The following RYR2 variants were observed in gnomAD, a reference collection of about 807,000 sequenced individuals.
RYR2 encodes the protein ryanodine receptor 2.
A neutral mutation model predicts 601.1 loss-of-function variants in RYR2; 227 were observed. That is an observed-to-expected ratio of 0.38 (90% CI 0.34 to 0.42). RYR2 has a LOEUF of 0.42. RYR2 is among the 10% of genes least tolerant of loss of function. RYR2 has a pLI of 1.00. For missense variants in RYR2, 4,646 were observed against 6,156.5 expected (o/e 0.75, Z 8.21); for synonymous variants, 2,223 against 2,175.1 (o/e 1.02, Z -0.61).
intron 79 of RYR2, among the ~76,000 whole-genome samples, chr1:237,735,803 C>G (rs1691090756): frequency 6.6e-6 from 1 of 152,162 alleles, no homozygotes; most frequent in Non-Finnish European, 1.5e-5. Context: ...TTGTTCAACT[C>G]TATCATATTG....
In RYR2 at chr1:237,790,350, C is replaced by T. The variant is rs77697277; in HGVS notation, c.13477-1079C>T. On this transcript the variant is annotated intron_variant, in intron 92 of 104. Coordinates refer to ENST00000366574, the MANE Select transcript of RYR2 (RefSeq NM_001035.3). The stretch of plus-strand genomic sequence containing the variant: ...ATCGAGTCTGCCCAGTTCTTGCCAT[C>T]TCCACAGGTACCATTAAGTCCAATC... Among the ~76,000 whole-genome samples, 58 of 152,232 alleles carry T rather than the reference C, an allele frequency of 3.8e-4. 1 individual carries two copies. In the East Asian group the frequency reaches 0.01, roughly 27 times the overall value.
chr1:237,192,716 G>A (rs948470130), intron 1 of RYR2, among the ~76,000 whole-genome samples: 3 of 152,098 alleles, frequency 2.0e-5, no homozygotes, highest in Non-Finnish European at 2.9e-5. Flanking sequence ...TTTATTTTCC[G>A]CTAAGGGGTT....
chr1:237,231,554 A>G (rs1186394881), intron 1 of RYR2, among the ~76,000 whole-genome samples: 1 of 152,164 alleles, frequency 6.6e-6, no homozygotes, highest in African/African-American at 2.4e-5. Context: ...ATAAATGTCA[A>G]GCCTTGCTTG....
rs776594549 is a variant in RYR2 at position 237,417,109 on chromosome 1, G to A, written c.834G>A (p.Glu278=). The change falls in exon 11 of 105, where the codon GAG becomes GAA. Residue 278 remains glutamate, a synonymous_variant. Coordinates refer to ENST00000366574, the MANE Select transcript of RYR2 (RefSeq NM_001035.3). ...ATGCACGTTCCCTTTGGAGACTAGA[G>A]ACGCTAAGAGTTGCGTAAGTAGAAC... is the stretch of plus-strand genomic sequence containing the variant. ...SVHARSLWRL[E]TLRVAWSGSH... The A allele has an allele frequency of 2.2e-5, 36 of 1,613,534 alleles. No individual in the cohort carries two copies. Among genetic ancestry groups the A allele is most frequent in the Non-Finnish European group, 2.7e-5 (32 of 1,179,500 alleles).
intron 10 of RYR2, among the ~76,000 whole-genome samples, chr1:237,399,988 T>C (rs1241575231): frequency 6.6e-6 from 1 of 151,884 alleles, no homozygotes; most frequent in African/African-American, 2.4e-5. Flanking sequence ...GAAAGATTTC[T>C]TGTGTCTTAC....
intron 23 of RYR2, among the ~76,000 whole-genome samples, 166 bp downstream of exon 23, chr1:237,506,980 T>C (rs1665331310): frequency 1.3e-5 from 2 of 152,334 alleles, no homozygotes. Flanking sequence ...TACGTTATTG[T>C]AGTTAATGGG....
chr1:237,514,691 G>T (rs904101561), intron 24 of RYR2, among the ~76,000 whole-genome samples: 3 of 152,210 alleles, frequency 2.0e-5, no homozygotes, highest in Non-Finnish European at 4.4e-5. Context: ...CTCTGGAGTT[G>T]GGTCATCTGG....
intron 16 of RYR2, among the ~76,000 whole-genome samples, chr1:237,460,991 GT>G: frequency 6.6e-6 from 1 of 152,070 alleles, no homozygotes; most frequent in East Asian, 1.9e-4. Flanking sequence ...TATTATTGTT[GT>G]TTTGCTTTTC....
chr1:237,383,168 A>C (rs886102650), intron 8 of RYR2, among the ~76,000 whole-genome samples: 44 of 152,238 alleles, frequency 2.9e-4, no homozygotes, highest in African/African-American at 1.1e-3. Context: ...ACCTCATCAT[A>C]AAAATGGTGA....
At chr1:237,158,962 A>C (rs1675697466) in intron 1 of RYR2, among the ~76,000 whole-genome samples, 1 of 152,238 alleles carries the variant, frequency 6.6e-6, no homozygotes, top group South Asian at 2.1e-4. Flanking sequence ...AAATCAACAC[A>C]CGGTAGTGTA....
chr1:237,818,456 G>A (rs967158994), intron 100 of RYR2, among the ~76,000 whole-genome samples: 47 of 152,178 alleles, frequency 3.1e-4, no homozygotes, highest in Non-Finnish European at 5.9e-4. Context: ...GTACTTGTTG[G>A]TGGCTTTGAC....
chr1:237,226,066 AAAATT>A (rs1684331910), intron 1 of RYR2, among the ~76,000 whole-genome samples: 2 of 152,050 alleles, frequency 1.3e-5, no homozygotes, highest in South Asian at 2.1e-4. Context: ...AAAAAAAAAA[AAAATT>A]AAAGGTGTCC....
At chr1:237,332,205 G>A (rs536573951) in intron 3 of RYR2, among the ~76,000 whole-genome samples, 6 of 152,188 alleles carry the variant, frequency 3.9e-5, no homozygotes, top group East Asian at 1.9e-4. Context: ...CAGTTATAAC[G>A]TTATTTTCAT....
chr1:237,438,014 T>A (rs1261850833), intron 12 of RYR2, among the ~76,000 whole-genome samples: 4 of 123,394 alleles, frequency 3.2e-5, no homozygotes, highest in Admixed American at 8.0e-5. Context: ...AGTGTTTTAA[T>A]GGCAATCTGA....
intron 2 of RYR2, among the ~76,000 whole-genome samples, chr1:237,284,692 A>ACACACACT: frequency 6.7e-6 from 1 of 150,026 alleles, no homozygotes; most frequent in East Asian, 2.0e-4. Context: ...GTACACACAC[A>ACACACACT]CACACCCATA....
intron 25 of RYR2, among the ~76,000 whole-genome samples, chr1:237,543,144 A>G (rs1669475581): frequency 6.6e-6 from 1 of 152,202 alleles, no homozygotes; most frequent in African/African-American, 2.4e-5. Context: ...TTTAAAATCC[A>G]AAAGCCAAGT....
intron 17 of RYR2, among the ~76,000 whole-genome samples, chr1:237,474,781 G>C (rs1414575222): frequency 6.6e-6 from 1 of 152,138 alleles, no homozygotes; most frequent in Non-Finnish European, 1.5e-5. Context: ...CCATCTGCCA[G>C]CATAAGAGAA....
intron 79 of RYR2, among the ~76,000 whole-genome samples, chr1:237,738,424 G>A (rs952732638): frequency 7.9e-5 from 12 of 151,988 alleles, no homozygotes; most frequent in Admixed American, 7.9e-4. Flanking sequence ...GTTATCCTAT[G>A]GGCTTCTCAT....
At chr1:237,757,663 G>GA (rs763673161) in intron 81 of RYR2, 34 bp from the exon 82 acceptor site, 4 of 1,378,552 alleles carry the variant, frequency 2.9e-6, no homozygotes, top group Non-Finnish European at 4.1e-6. Context: ...AAGGCGAAAT[G>GA]ATATAAGGAA....
Sources: allele counts gnomAD v4.1 joint callset (sites outside exome capture counted in the v4.1 genomes callset), GRCh38; gene constraint gnomAD v4.1.1; transcripts MANE v1.5; gene names NCBI Gene and HGNC (gene_info 2026-07-23, HGNC 2026-07-21).